RGL1: variants seen among roughly 807,000 people sequenced by gnomAD.
RGL1 encodes the protein ral guanine nucleotide dissociation stimulator-like 1.
A neutral mutation model predicts 95.2 loss-of-function variants in RGL1; 24 were observed. That is an observed-to-expected ratio of 0.25 (90% confidence interval 0.18 to 0.35). The LOEUF is 0.35. Among genes scored for constraint, RGL1 ranks in the 10% least tolerant of loss-of-function variants. The probability of loss-of-function intolerance (pLI) is 1.00; values close to 1 mark genes in which losing one functional copy is unlikely to be tolerated. For missense variants in RGL1, 715 were observed against 936.3 expected, an observed-to-expected ratio of 0.76 and a Z score of 3.08; for synonymous variants, 329 against 344.9, an observed-to-expected ratio of 0.95 and a Z score of 0.51.
At chr1:183,833,194 A>G (rs1228243232) in intron 2 of RGL1, among the ~76,000 whole-genome samples, 1 of 152,200 alleles carries the variant, frequency 6.6e-6, no homozygotes, top group Non-Finnish European at 1.5e-5. Flanking sequence ...AATCACCCTC[A>G]TAACATCAAG....
chr1:183,680,184 A>G (rs1417810329), intron 1 of RGL1, among the ~76,000 whole-genome samples: 3 of 151,876 alleles, frequency 2.0e-5, no homozygotes, highest in Non-Finnish European at 4.4e-5. Flanking sequence ...CACTCCAATG[A>G]TAGTTTTTTT....
Position 183,739,677 on chromosome 1 carries a change from C to G in RGL1, c.-32-2449C>G, listed in dbSNP as rs568011636. Among the ~76,000 whole-genome samples, 59 of 152,294 alleles carry G rather than the reference C, an allele frequency of 3.9e-4. 1 individual carries two copies. Among genetic ancestry groups the G allele is most frequent in the African/African-American group, 1.4e-3 (59 of 41,566 alleles). ...AAGTCTCAGATAGGGTGGAGGATCT[C>G]AGAATGCTTGAAGAGCCTTGTAAGA... On this transcript the variant is annotated intron_variant, in intron 1 of 18. Coordinates refer to the RGL1 transcript ENST00000304685.
At chr1:183,759,713 T>G (rs773512997) in intron 2 of RGL1, among the ~76,000 whole-genome samples, 64 of 152,246 alleles carry the variant, frequency 4.2e-4, no homozygotes, top group Non-Finnish European at 8.2e-4. Context: ...TCTTTTCCAT[T>G]GGCCCTTGTT....
At chr1:183,693,525 CTCTT>C (rs1322452806) in intron 1 of RGL1, among the ~76,000 whole-genome samples, 1 of 151,250 alleles carries the variant, frequency 6.6e-6, no homozygotes, top group Non-Finnish European at 1.5e-5. Flanking sequence ...CCTCCTTACT[CTCTT>C]TCTTTCTTAA....
chr1:183,897,973 T>A, intron 10 of RGL1, 76 bp downstream of exon 10: 1 of 1,229,686 alleles, frequency 8.1e-7, no homozygotes, highest in Non-Finnish European at 1.2e-6. Context: ...CACATGGCAC[T>A]GGCACCTTCA....
intron 3 of RGL1, among the ~76,000 whole-genome samples, chr1:183,856,488 A>C (rs1307777224): frequency 6.6e-6 from 1 of 151,936 alleles, no homozygotes; most frequent in East Asian, 1.9e-4. Context: ...CAAAAAGTTT[A>C]GAAAAATGTC....
intron 15 of RGL1, among the ~76,000 whole-genome samples, chr1:183,913,645 T>C (rs1022323998): frequency 6.6e-6 from 1 of 152,194 alleles, no homozygotes; most frequent in Non-Finnish European, 1.5e-5. Flanking sequence ...CCTTAGCTTA[T>C]GGTTAGGTCA....
intron 11 of RGL1, among the ~76,000 whole-genome samples, chr1:183,901,281 A>C (rs1572576777): frequency 6.6e-6 from 1 of 151,968 alleles, no homozygotes; most frequent in East Asian, 1.9e-4. Context: ...CCTGGGTGAC[A>C]GAGCAAGACC....
At chr1:183,698,968 A>G (rs193099475) in intron 1 of RGL1, among the ~76,000 whole-genome samples, 2 of 152,378 alleles carry the variant, frequency 1.3e-5, no homozygotes, top group African/African-American at 4.8e-5. Flanking sequence ...CCACAGGAAC[A>G]AAGTGTACAA....
At chr1:183,906,415 A>T (rs975095569) in intron 13 of RGL1, among the ~76,000 whole-genome samples, 2 of 152,122 alleles carry the variant, frequency 1.3e-5, no homozygotes, top group East Asian at 1.9e-4. Context: ...TTAAAAATTT[A>T]AAAAAGTATT....
rs201215944 is a variant in RGL1, at chr1:183,904,957, G to A, written c.1458G>A (p.Leu486=). 5.5e-5 allele frequency: 88 copies of A among 1,613,016 alleles called. No homozygotes were observed. The highest frequency in any genetic ancestry group is 3.4e-6 in the Non-Finnish European group (4 of 1,179,708). Residue 486 remains leucine, a synonymous_variant, in exon 13 of 18, where the codon CTG becomes CTA. Transcript: ENST00000360851. ...FIQWFQRQQL[L]TEEESYALSC... ...AGTGGTTCCAGAGGCAGCAGCTCCTGACAGAGGAGGAGAGGTGGGATCACC... is the reference window on the plus strand; with the variant it reads ...AGTGGTTCCAGAGGCAGCAGCTCCTAACAGAGGAGGAGAGGTGGGATCACC...
intron 1 of RGL1, among the ~76,000 whole-genome samples, chr1:183,641,148 T>A (rs7530186): frequency 0.068 from 10,359 of 152,126 alleles, 600 homozygotes; most frequent in African/African-American, 0.16. Flanking sequence ...TTTTTTTAAA[T>A]AATTGCCACA....
chr1:183,665,141 G>GA (rs548071271), intron 1 of RGL1, among the ~76,000 whole-genome samples: 42 of 152,116 alleles, frequency 2.8e-4, no homozygotes, highest in African/African-American at 9.9e-4. Flanking sequence ...TTGATATGTG[G>GA]AAAAATCATA....
At chr1:183,842,282 G>C (rs1334334130) in intron 2 of RGL1, among the ~76,000 whole-genome samples, 1 of 151,508 alleles carries the variant, frequency 6.6e-6, no homozygotes, top group Non-Finnish European at 1.5e-5. Flanking sequence ...TGCTTAACAC[G>C]TTCCCTGTTA....
chr1:183,649,954 G>A (rs553302767), intron 1 of RGL1, among the ~76,000 whole-genome samples: 1 of 152,220 alleles, frequency 6.6e-6, no homozygotes, highest in East Asian at 1.9e-4. Context: ...TGAGACCACA[G>A]GTATGTACCA....
intron 2 of RGL1, among the ~76,000 whole-genome samples, chr1:183,793,589 A>G (rs1055048871): frequency 6.6e-6 from 1 of 152,094 alleles, no homozygotes; most frequent in Non-Finnish European, 1.5e-5. Flanking sequence ...AACAAAACAA[A>G]ACAATCCCAT....
At chr1:183,679,006 T>C (rs924862536) in intron 1 of RGL1, among the ~76,000 whole-genome samples, 1 of 152,178 alleles carries the variant, frequency 6.6e-6, no homozygotes, top group Non-Finnish European at 1.5e-5. Context: ...CCAAAGTGGA[T>C]GGAAGAGCAT....
chr1:183,669,715 A>C (rs1414341247), intron 1 of RGL1, among the ~76,000 whole-genome samples: 1 of 152,190 alleles, frequency 6.6e-6, no homozygotes, highest in Non-Finnish European at 1.5e-5. Flanking sequence ...AATACCTGAG[A>C]CTGCGTAATT....
At chr1:183,820,259 A>AT (rs1354014052) in intron 2 of RGL1, among the ~76,000 whole-genome samples, 17 of 152,186 alleles carry the variant, frequency 1.1e-4, no homozygotes, top group Admixed American at 5.2e-4. Flanking sequence ...GGCAGGAAAT[A>AT]TTTTTCAGAA....
Sources: allele counts gnomAD v4.1 joint callset (sites outside exome capture counted in the v4.1 genomes callset), GRCh38; gene constraint gnomAD v4.1.1; transcripts MANE v1.5; gene names NCBI Gene and HGNC (gene_info 2026-07-23, HGNC 2026-07-21).